CTNNA3: variants seen among roughly 807,000 people sequenced by gnomAD.
The protein encoded by CTNNA3 is catenin alpha-3.
A neutral mutation model predicts 95.7 loss-of-function variants in CTNNA3; 76 were observed. The observed-to-expected ratio is 0.79, with a 90% CI of 0.66 to 0.96. CTNNA3 has a LOEUF of 0.96. Among genes scored for constraint, CTNNA3 ranks in the 40% least tolerant of loss-of-function variants. The pLI is 0.00. For missense variants in CTNNA3, 1,191 were observed against 1,089.8 expected, an observed-to-expected ratio of 1.09 and a Z score of -1.31; for synonymous variants, 431 against 374.4, an observed-to-expected ratio of 1.15 and a Z score of -1.74.
At chr10:66,356,253 G>A (rs940878762) in intron 12 of CTNNA3, among the ~76,000 whole-genome samples, 1 of 149,314 alleles carries the variant, frequency 6.7e-6, no homozygotes, top group African/African-American at 2.5e-5. Context: ...GACTGGTATT[G>A]TAACAAGTTT....
At chr10:67,045,372 T>A (rs2133162420) in intron 7 of CTNNA3, among the ~76,000 whole-genome samples, 1 of 152,258 alleles carries the variant, frequency 6.6e-6, no homozygotes, top group East Asian at 1.9e-4. Context: ...ACCAAATACC[T>A]CCATTTTTTA....
chr10:67,575,283 CT>C (rs1842106212), intron 3 of CTNNA3, among the ~76,000 whole-genome samples: 2 of 147,552 alleles, frequency 1.4e-5, no homozygotes, highest in South Asian at 4.5e-4. Flanking sequence ...AAGTCTTCTT[CT>C]TTTTTTCCCC....
At chr10:66,443,767 C>T (rs190320832) in intron 11 of CTNNA3, among the ~76,000 whole-genome samples, 346 of 152,196 alleles carry the variant, frequency 2.3e-3, no homozygotes, top group African/African-American at 8.2e-3. Flanking sequence ...AGCAGAGCAC[C>T]TCTCCTCCTC....
At chr10:66,983,567 T>A (rs901073310) in intron 7 of CTNNA3, among the ~76,000 whole-genome samples, 22 of 151,984 alleles carry the variant, frequency 1.4e-4, no homozygotes, top group African/African-American at 4.6e-4. Context: ...TAAACTGGAG[T>A]TTTTATTGAG....
chr10:67,131,709 T>G (rs1860017050), intron 7 of CTNNA3, among the ~76,000 whole-genome samples: 1 of 152,012 alleles, frequency 6.6e-6, no homozygotes, highest in Admixed American at 6.6e-5. Context: ...AAAAATTATT[T>G]AAAAATAACC....
At chr10:66,384,907 C>A (rs1322345255) in intron 11 of CTNNA3, among the ~76,000 whole-genome samples, 5 of 152,122 alleles carry the variant, frequency 3.3e-5, no homozygotes, top group Admixed American at 1.3e-4. Flanking sequence ...AACAAAGACA[C>A]AACATACCAG....
chr10:65,982,655 T>A (rs923170339), intron 16 of CTNNA3, among the ~76,000 whole-genome samples: 2 of 150,620 alleles, frequency 1.3e-5, no homozygotes, highest in African/African-American at 4.9e-5. Flanking sequence ...CATATATATA[T>A]ATAAATGTGG....
At chr10:66,650,477 AAG>A (rs943527639) in intron 9 of CTNNA3, among the ~76,000 whole-genome samples, 1 of 152,228 alleles carries the variant, frequency 6.6e-6, no homozygotes, top group African/African-American at 2.4e-5. Flanking sequence ...GATAAGTGAA[AAG>A]AGAGACACAA....
rs1856122259 is a variant in CTNNA3 at position 67,066,825 on chromosome 10, A to C, written c.1047+113492T>G. Among the ~76,000 whole-genome samples the C allele has an allele frequency of 2.0e-5, 3 of 152,212 alleles. No homozygotes were observed. In the South Asian group the frequency reaches 6.2e-4, roughly 32 times the overall value. On this transcript the variant is annotated intron_variant, in intron 7 of 17. Coordinates refer to ENST00000433211, the MANE Select transcript of CTNNA3 (RefSeq NM_013266.4). The stretch of plus-strand genomic sequence containing the variant: ...TTCTAGCTTACCATCTAGCAGAAGG[A>C]AATGTAAATAGTGATGTTATATTAA...
At chr10:67,408,908 T>C (rs1240973784) in intron 5 of CTNNA3, among the ~76,000 whole-genome samples, 1 of 135,542 alleles carries the variant, frequency 7.4e-6, no homozygotes, top group Non-Finnish European at 1.6e-5. Context: ...AAAGCCATTA[T>C]AAAGTAGGCA....
intron 10 of CTNNA3, among the ~76,000 whole-genome samples, chr10:66,563,971 C>A (rs1356795469): frequency 6.6e-6 from 1 of 152,060 alleles, no homozygotes; most frequent in East Asian, 1.9e-4. Flanking sequence ...TGATTGATGT[C>A]TCATGTCTCC....
intron 17 of CTNNA3, among the ~76,000 whole-genome samples, chr10:65,961,419 C>T (rs2077840270): frequency 6.6e-6 from 1 of 152,174 alleles, no homozygotes; most frequent in African/African-American, 2.4e-5. Context: ...GCTAAGCCAA[C>T]CTGCATAATT....
chr10:66,505,319 T>C (rs973847374), intron 11 of CTNNA3, among the ~76,000 whole-genome samples: 4 of 152,154 alleles, frequency 2.6e-5, no homozygotes, highest in Non-Finnish European at 4.4e-5. Context: ...ATGGATTACT[T>C]TGGGGAAGCC....
At chr10:66,413,705 T>G (rs2093125213) in intron 11 of CTNNA3, among the ~76,000 whole-genome samples, 1 of 152,180 alleles carries the variant, frequency 6.6e-6, no homozygotes, top group East Asian at 1.9e-4. Flanking sequence ...CTTAGAAGAT[T>G]AAACAGCCAT....
intron 7 of CTNNA3, among the ~76,000 whole-genome samples, chr10:66,851,927 A>T (rs552020751): frequency 6.6e-5 from 10 of 152,228 alleles, no homozygotes; most frequent in African/African-American, 2.4e-4. Context: ...TCCATGCTTG[A>T]CCATCACCCC....
At chr10:67,134,635 T>G (rs1031528199) in intron 7 of CTNNA3, among the ~76,000 whole-genome samples, 2 of 152,126 alleles carry the variant, frequency 1.3e-5, no homozygotes, top group African/African-American at 2.4e-5. Context: ...TCAGTTTTAT[T>G]AAGCTTGTAT....
At chr10:67,311,600 G>T (rs1337607014) in intron 5 of CTNNA3, among the ~76,000 whole-genome samples, 1 of 152,028 alleles carries the variant, frequency 6.6e-6, no homozygotes, top group Non-Finnish European at 1.5e-5. Context: ...CCATTAAAAT[G>T]GGTGCATTTT....
intron 7 of CTNNA3, among the ~76,000 whole-genome samples, chr10:67,178,899 GGA>G (rs202193855): frequency 0.38 from 57,212 of 151,768 alleles, 15,002 homozygotes; most frequent in African/African-American, 0.75. Context: ...AGGCATTCTA[GGA>G]CATGTCATGT....
intron 7 of CTNNA3, among the ~76,000 whole-genome samples, chr10:66,878,465 T>C (rs1204914351): frequency 6.6e-6 from 1 of 152,132 alleles, no homozygotes; most frequent in Non-Finnish European, 1.5e-5. Context: ...TCACAACAAA[T>C]TAAATTCTCA....
Sources: gnomAD v4.1 joint callset for allele counts (sites outside exome capture counted in the v4.1 genomes callset) on GRCh38, gnomAD v4.1.1 for gene constraint, MANE v1.5 for transcripts, NCBI Gene and HGNC (gene_info 2026-07-23, HGNC 2026-07-21) for gene names.